The following ZNF589 variants were observed in gnomAD, a reference collection of about 807,000 sequenced individuals.
The protein encoded by ZNF589 is KRAB-zinc finger protein SZF1-1.
A neutral mutation model predicts 13.6 loss-of-function variants in ZNF589; 17 were observed. The ratio of observed to expected loss-of-function variants is 1.25; its 90% confidence interval spans 0.86 to 1.88. The LOEUF (loss-of-function observed/expected upper bound fraction) is 1.88. Among genes scored for constraint, ZNF589 ranks in the 40% most tolerant of loss-of-function variants. The pLI is 0.00. For synonymous variants in ZNF589, 148 were observed against 161.6 expected, an observed-to-expected ratio of 0.92 and a Z score of 0.64; for missense variants, 407 against 434.0, an observed-to-expected ratio of 0.94 and a Z score of 0.55.
chr3:48,251,046 C>T (rs1003008551), intron 2 of ZNF589, among the ~76,000 whole-genome samples: 3 of 152,114 alleles, frequency 2.0e-5, no homozygotes, highest in South Asian at 2.1e-4. Flanking sequence ...CCACCGTGCC[C>T]GGCCTAGATC....
intron 2 of ZNF589, among the ~76,000 whole-genome samples, chr3:48,251,236 T>C (rs2033834805): frequency 1.3e-5 from 2 of 152,078 alleles, no homozygotes; most frequent in South Asian, 4.1e-4. Flanking sequence ...GAGGAACCTA[T>C]ACAAAGAAGT....
intron 1 of ZNF589, 98 bp downstream of exon 1, chr3:48,241,312 C>A: frequency 6.8e-7 from 1 of 1,478,602 alleles, no homozygotes. Context: ...GCGTGGGGTG[C>A]GAGCTGTGTG....
rs1247275049 is a variant in ZNF589 at position 48,268,923 on chromosome 3, C to A, written c.*137C>A. Reference sequence around the variant, plus strand: ...CTCCTCCTACACCAGTGGACACATTCAGAGGTGAAACCTCACGTGTGTGAG... The same window carrying A: ...CTCCTCCTACACCAGTGGACACATTAAGAGGTGAAACCTCACGTGTGTGAG... On this transcript the variant is annotated 3_prime_UTR_variant, in exon 4 of 4. Coordinates refer to ENST00000354698, the MANE Select transcript of ZNF589 (RefSeq NM_016089.3). 1 of 1,268,006 alleles carries A rather than the reference C, an allele frequency of 7.9e-7. No individual in the cohort carries two copies. Among genetic ancestry groups the A allele is most frequent in the Non-Finnish European group, 1.1e-6 (1 of 910,598 alleles). The allele number at this position is 1,268,006 out of a possible 1,614,324, so 78.5% of individuals were successfully genotyped here. A position where few individuals can be genotyped will look rare whatever the true frequency, so the allele number is the denominator to read the frequency against.
At position 48,255,914 on chromosome 3, in the gene ZNF589, T is replaced by G. The variant is rs112621521; in HGVS notation, c.97-4899T>G. ...AGCCACCACGCCTGGCAGCTAAGAATTTTTATAATCACTAGATGTTGGGTT... is the reference window on the plus strand; with the variant it reads ...AGCCACCACGCCTGGCAGCTAAGAAGTTTTATAATCACTAGATGTTGGGTT... On this transcript the variant is annotated intron_variant, in intron 2 of 3. Coordinates refer to ENST00000354698, the MANE Select transcript of ZNF589 (RefSeq NM_016089.3). Among the ~76,000 whole-genome samples the G allele has an allele frequency of 2.2e-3, 330 of 152,328 alleles. 3 individuals carry two copies. Among genetic ancestry groups the G allele is most frequent in the African/African-American group, 7.1e-3 (296 of 41,588 alleles).
At chr3:48,255,164 T>A (rs1250206484) in intron 2 of ZNF589, among the ~76,000 whole-genome samples, 1 of 151,944 alleles carries the variant, frequency 6.6e-6, no homozygotes, top group African/African-American at 2.4e-5. Context: ...TCTAGTTTGC[T>A]GAGAGCTATT....
In ZNF589 at chr3:48,269,301, T is replaced by C; in HGVS notation, c.*515T>C. ...GTCTGCGGAGAGTGTGGGCGAGGCT[T>C]TATAGCTCAGTCAACCCTCCACTAC... On this transcript the variant is annotated 3_prime_UTR_variant, in exon 4 of 4. Transcript: ENST00000354698. The C allele has an allele frequency of 1.3e-6, 2 of 1,525,382 alleles. No individual in the cohort carries two copies. The highest frequency in any genetic ancestry group is 1.8e-6 in the Non-Finnish European group (2 of 1,119,850). The allele number at this position is 1,525,382 out of a possible 1,614,324, so 94.5% of individuals were successfully genotyped here.
rs1041004311 is a variant in ZNF589, at chr3:48,270,592, A to G, written c.*1806A>G. ...TGGGCTGGGGCTAGCCCTACCTGAT[A>G]CCCTGTGTCAATGAGTGTACCTTGG... On this transcript the variant is annotated 3_prime_UTR_variant, in exon 4 of 4. Coordinates refer to ENST00000354698, the MANE Select transcript of ZNF589 (RefSeq NM_016089.3). 8 of 275,846 alleles carry G rather than the reference A, an allele frequency of 2.9e-5. No homozygotes were observed. Among genetic ancestry groups the G allele is most frequent in the Non-Finnish European group, 5.0e-5 (7 of 140,192 alleles). 17.1% of individuals were successfully genotyped at this position (275,846 alleles called of 1,614,324 possible).
In ZNF589 at chr3:48,269,827, T is replaced by C; in HGVS notation, c.*1041T>C. ...TACGTGGACATCATTACTTGTCACG[T>C]GTCAGAGGACACACTCGGGAGAAAC... On this transcript the variant is annotated 3_prime_UTR_variant, in exon 4 of 4. Transcript: ENST00000354698. 2.8e-6 allele frequency: 1 copy of C among 361,082 alleles called. No homozygotes were observed. Among genetic ancestry groups the C allele is most frequent in the Non-Finnish European group, 5.4e-6 (1 of 184,296 alleles). The allele number at this position is 361,082 out of a possible 1,614,324, so 22.4% of individuals were successfully genotyped here. A position where few individuals can be genotyped will look rare whatever the true frequency, so the allele number is the denominator to read the frequency against.
Position 48,268,994 on chromosome 3 carries a change from C to T in ZNF589, c.*208C>T. 1.3e-6 allele frequency: 1 copy of T among 766,264 alleles called. No homozygotes were observed. Among genetic ancestry groups the T allele is most frequent in the South Asian group, 1.7e-5 (1 of 57,566 alleles). 47.5% of individuals were successfully genotyped at this position (766,264 alleles called of 1,614,324 possible). On this transcript the variant is annotated 3_prime_UTR_variant, in exon 4 of 4. Transcript: ENST00000354698. ...CCAGAAGTCGTCGCTCAAATCACAT[C>T]GGAGAACACACTCAGGGGAGAAGCC...
At chr3:48,257,063 T>C (rs1184088391) in intron 2 of ZNF589, 3 of 492,326 alleles carry the variant, frequency 6.1e-6, no homozygotes, top group African/African-American at 5.8e-5. Flanking sequence ...TTGATTTTCT[T>C]ATATTTTGGG....
At chr3:48,254,721 GC>G (rs1160993566) in intron 2 of ZNF589, among the ~76,000 whole-genome samples, 1 of 151,902 alleles carries the variant, frequency 6.6e-6, no homozygotes, top group Non-Finnish European at 1.5e-5. Context: ...TTTTTTTGGT[GC>G]TCTGTGTGTA....
chr3:48,268,035 A>G lies in ZNF589; in HGVS notation c.344A>G (p.Gln115Arg), dbSNP rs2034038193. The G allele has an allele frequency of 1.9e-6, 3 of 1,614,126 alleles. No homozygotes were observed. Among genetic ancestry groups the G allele is most frequent in the Non-Finnish European group, 2.5e-6 (3 of 1,180,062 alleles). The change falls in exon 4 of 4, where the codon CAA (glutamine) becomes CGA (arginine). Residue 115 changes from glutamine (Q) to arginine (R), a missense_variant. Gln to Arg is a conservative substitution (Grantham distance 43). Coordinates refer to ENST00000354698, the MANE Select transcript of ZNF589 (RefSeq NM_016089.3). The stretch of plus-strand genomic sequence containing the variant: ...ATTCCAGGTTTCCATGCAGGAAATC[A>G]ACTCCACCCAGGAAATCCCTGCCCA... ...HPIPGFHAGN[Q>R]LHPGNPCPED...
intron 1 of ZNF589, 64 bp from the exon 2 acceptor site, chr3:48,247,560 CT>C: frequency 6.3e-7 from 1 of 1,597,384 alleles, no homozygotes; most frequent in Non-Finnish European, 8.6e-7. Flanking sequence ...TCAGAGGGCT[CT>C]TGGGGATCCT....
chr3:48,268,689 T>C lies in ZNF589; in HGVS notation c.998T>C (p.Met333Thr), dbSNP rs758206808. 6.2e-7 allele frequency: 1 copy of C among 1,614,176 alleles called. No homozygotes were observed. Among genetic ancestry groups the C allele is most frequent in the Admixed American group, 1.7e-5 (1 of 60,024 alleles). The change falls in exon 4 of 4, where the codon ATG becomes ACG. Residue 333 changes from methionine (M) to threonine (T), a missense_variant. Met to Thr is a moderately conservative substitution (Grantham distance 81, BLOSUM62 -1). Transcript: ENST00000354698. ...QRTHTREKSF[M>T]CTVCGRGFRE... ...ACACACACAAGGGAGAAATCGTTTATGTGCACAGTGTGTGGGCGAGGCTTT... is the reference window on the plus strand; with the variant it reads ...ACACACACAAGGGAGAAATCGTTTACGTGCACAGTGTGTGGGCGAGGCTTT...
intron 1 of ZNF589, among the ~76,000 whole-genome samples, chr3:48,241,693 G>C (rs2033700498): frequency 6.6e-6 from 1 of 152,066 alleles, no homozygotes; most frequent in Non-Finnish European, 1.5e-5. Flanking sequence ...ACCACGCCTG[G>C]CTAATTTTTG....
At chr3:48,244,512 T>C (rs992041031) in intron 1 of ZNF589, among the ~76,000 whole-genome samples, 11 of 152,058 alleles carry the variant, frequency 7.2e-5, no homozygotes, top group African/African-American at 2.7e-4. Flanking sequence ...TATAGGCACA[T>C]ATTATGGGGC....
intron 2 of ZNF589, among the ~76,000 whole-genome samples, chr3:48,252,155 T>C (rs1359383136): frequency 6.6e-6 from 1 of 152,090 alleles, no homozygotes; most frequent in Admixed American, 6.6e-5. Context: ...ATGGTGAGTC[T>C]TAAAATCAGG....
At chr3:48,260,182 G>C (rs2033956115) in intron 2 of ZNF589, among the ~76,000 whole-genome samples, 2 of 152,108 alleles carry the variant, frequency 1.3e-5, no homozygotes, top group Non-Finnish European at 2.9e-5. Flanking sequence ...TGGTCACCCA[G>C]GCTGGAGTGC....
At chr3:48,249,398 C>T (rs756166739) in intron 2 of ZNF589, among the ~76,000 whole-genome samples, 23 of 152,194 alleles carry the variant, frequency 1.5e-4, no homozygotes, top group African/African-American at 3.6e-4. Flanking sequence ...CCACTGCGCC[C>T]GGCCCATCTT....
Sources: gnomAD v4.1 joint callset for allele counts (sites outside exome capture counted in the v4.1 genomes callset) on GRCh38, gnomAD v4.1.1 for gene constraint, MANE v1.5 for transcripts, NCBI Gene and HGNC (gene_info 2026-07-23, HGNC 2026-07-21) for gene names.